The following UMAD1 variants were observed in gnomAD, a reference collection of about 807,000 sequenced individuals.
UMAD1 encodes the protein UBAP1-MVB12-associated (UMA) domain containing 1.
In UMAD1, 8 loss-of-function variants were observed where a neutral mutation model predicts 6.1. The observed-to-expected ratio is 1.30, with a 90% CI of 0.76 to 2.35. The LOEUF is 2.35. Ranked by LOEUF, UMAD1 falls within the 30% of genes most tolerant of loss-of-function variation. UMAD1 has a pLI of 0.00. For synonymous variants in UMAD1, 56 were observed against 31.4 expected (o/e 1.78, Z -2.61); for missense variants, 130 against 78.4 (o/e 1.66, Z -2.49).
chr7:7,705,203 G>A (rs559484314), intron 2 of UMAD1, among the ~76,000 whole-genome samples: 1 of 152,210 alleles, frequency 6.6e-6, no homozygotes, highest in Non-Finnish European at 1.5e-5. Flanking sequence ...AATAGGAAGT[G>A]GCATATAAAC....
chr7:7,738,891 G>A (rs967359763), intron 2 of UMAD1: 1 of 152,204 alleles, frequency 6.6e-6, no homozygotes, highest in Non-Finnish European at 1.5e-5. Flanking sequence ...TTGGCTGTAG[G>A]GTGAGTGGTC....
At chr7:7,856,222 G>T (rs765092656) in intron 3 of UMAD1, among the ~76,000 whole-genome samples, 11 of 152,118 alleles carry the variant, frequency 7.2e-5, no homozygotes, top group Non-Finnish European at 1.3e-4. Context: ...CCAATTTATT[G>T]TATTAGTTTG....
chr7:7,741,076 T>C (rs1002557001), intron 2 of UMAD1: 1 of 152,212 alleles, frequency 6.6e-6, no homozygotes, highest in African/African-American at 2.4e-5. Context: ...TTCCATTTAT[T>C]TGACAAAACC....
chr7:7,723,263 T>C (rs1000614553), intron 2 of UMAD1, among the ~76,000 whole-genome samples: 3 of 152,170 alleles, frequency 2.0e-5, no homozygotes, highest in African/African-American at 7.2e-5. Context: ...GGAATTGATA[T>C]TAAGGGTGTG....
chr7:7,708,883 A>G (rs900699327), intron 2 of UMAD1, among the ~76,000 whole-genome samples: 1 of 151,910 alleles, frequency 6.6e-6, no homozygotes, highest in Non-Finnish European at 1.5e-5. Flanking sequence ...TATGTTTTTA[A>G]GAAGTTTTTA....
At chr7:7,683,214 C>G (rs1779955970) in intron 2 of UMAD1, among the ~76,000 whole-genome samples, 1 of 152,130 alleles carries the variant, frequency 6.6e-6, no homozygotes, top group African/African-American at 2.4e-5. Flanking sequence ...AATTAGGGAT[C>G]TATCTCTCTG....
At chr7:7,692,050 TG>T (rs1780184738) in intron 2 of UMAD1, among the ~76,000 whole-genome samples, 1 of 152,232 alleles carries the variant, frequency 6.6e-6, no homozygotes, top group Admixed American at 6.5e-5. Flanking sequence ...TACAGTATGT[TG>T]ATAACTGCAG....
At chr7:7,859,464 A>G (rs1000261486) in intron 3 of UMAD1, among the ~76,000 whole-genome samples, 1 of 152,062 alleles carries the variant, frequency 6.6e-6, no homozygotes, top group African/African-American at 2.4e-5. Flanking sequence ...CTTTCTTTCT[A>G]TTGTTACCAT....
At chr7:7,788,770 A>C (rs909964772) in intron 2 of UMAD1, among the ~76,000 whole-genome samples, 9 of 152,178 alleles carry the variant, frequency 5.9e-5, no homozygotes, top group Non-Finnish European at 1.2e-4. Context: ...CCCACCAAAC[A>C]CTTGAATTTC....
chr7:7,728,576 G>T (rs551635271), intron 2 of UMAD1, among the ~76,000 whole-genome samples: 1 of 151,830 alleles, frequency 6.6e-6, no homozygotes, highest in Admixed American at 6.6e-5. Flanking sequence ...CCCGGGAGGC[G>T]GAGGTTGCAG....
chr7:7,767,182 T>C (rs1204471769), intron 2 of UMAD1, among the ~76,000 whole-genome samples: 1 of 147,246 alleles, frequency 6.8e-6, no homozygotes. Flanking sequence ...TGGAGTGCAG[T>C]GGCACAATCT....
At chr7:7,654,902 C>CAA (rs71010994) in intron 1 of UMAD1, among the ~76,000 whole-genome samples, 2,072 of 139,338 alleles carry the variant, frequency 0.015, 56 homozygotes, top group African/African-American at 0.047. Context: ...GACTCTGTCT[C>CAA]AAAAAAAAAA....
chr7:7,792,313 A>G lies in UMAD1; in HGVS notation c.83-9357A>G, dbSNP rs1346333086. Among the ~76,000 whole-genome samples, 3 of 152,234 alleles carry G rather than the reference A, an allele frequency of 2.0e-5. No individual in the cohort carries two copies. The East Asian group carries it at 5.8e-4, about 29-fold the overall frequency. On this transcript the variant is annotated intron_variant, in intron 2 of 3. Transcript: ENST00000682710. ...CTTTGAGGTTATAACAGTTGTCAACAGAATCCTGACCAGGCTCCTGGGCAA... is the reference window on the plus strand; with the variant it reads ...CTTTGAGGTTATAACAGTTGTCAACGGAATCCTGACCAGGCTCCTGGGCAA...
intron 2 of UMAD1, among the ~76,000 whole-genome samples, chr7:7,775,443 G>C (rs796151577): frequency 5.1e-4 from 77 of 152,264 alleles, no homozygotes; most frequent in African/African-American, 1.8e-3. Context: ...CATTTTCCCT[G>C]CTGTCTCTCA....
At chr7:7,653,316 A>G (rs566699848) in intron 1 of UMAD1, among the ~76,000 whole-genome samples, 35 of 152,342 alleles carry the variant, frequency 2.3e-4, no homozygotes, top group African/African-American at 8.2e-4. Flanking sequence ...AGATGACTCA[A>G]GATGACACTA....
Position 7,878,177 on chromosome 7 carries a change from C to T in UMAD1, c.*639C>T, listed in dbSNP as rs961923729. 3 of 152,502 alleles carry T rather than the reference C, an allele frequency of 2.0e-5. No homozygotes were observed. The highest frequency in any genetic ancestry group is 4.8e-5 in the African/African-American group (2 of 41,432). The allele number at this position is 152,502 out of a possible 1,614,324, so 9.4% of individuals were successfully genotyped here. ...GGCAGCCCTTTCCATCGTGAATAAT[C>T]GTTGTGTTCCCACCTTTGTTCTCTG... On this transcript the variant is annotated 3_prime_UTR_variant, in exon 4 of 4. Coordinates refer to ENST00000682710, the MANE Select transcript of UMAD1 (RefSeq NM_001302348.2).
chr7:7,821,425 T>C (rs1783239440), intron 3 of UMAD1, among the ~76,000 whole-genome samples: 1 of 152,226 alleles, frequency 6.6e-6, no homozygotes, highest in African/African-American at 2.4e-5. Flanking sequence ...ATTTCACCTG[T>C]TTAACTTTCT....
At chr7:7,833,287 A>T (rs1783499432) in intron 3 of UMAD1, among the ~76,000 whole-genome samples, 1 of 152,174 alleles carries the variant, frequency 6.6e-6, no homozygotes. Flanking sequence ...TGTGGAAATT[A>T]AGACCAGAGT....
At chr7:7,792,285 T>C (rs924484847) in intron 2 of UMAD1, among the ~76,000 whole-genome samples, 34 of 152,376 alleles carry the variant, frequency 2.2e-4, no homozygotes, top group Non-Finnish European at 4.7e-4. Flanking sequence ...TTGGCTCATT[T>C]TCCTTTGAGG....
Sources: gnomAD v4.1 joint callset for allele counts (sites outside exome capture counted in the v4.1 genomes callset) on GRCh38, gnomAD v4.1.1 for gene constraint, MANE v1.5 for transcripts, NCBI Gene and HGNC (gene_info 2026-07-23, HGNC 2026-07-21) for gene names.